The following DYNLL1 variants were observed in gnomAD, a reference collection of about 807,000 sequenced individuals.
DYNLL1 encodes the protein dynein light chain LC8-type 1, also known as dynein light chain 1, cytoplasmic.
Under a neutral mutation model 10.1 loss-of-function variants are expected in DYNLL1, and 3 were observed. The observed-to-expected ratio is 0.30, with a 90% CI of 0.14 to 0.77. DYNLL1 has a LOEUF of 0.77. Among genes scored for constraint, DYNLL1 ranks in the 30% least tolerant of loss-of-function variants. The pLI is 0.66. For missense variants in DYNLL1, 47 were observed against 111.7 expected (o/e 0.42, Z 2.61); for synonymous variants, 46 against 41.2 (o/e 1.12, Z -0.45).
chr12:120,477,233 G>A (rs1878775079), intron 1 of DYNLL1, among the ~76,000 whole-genome samples: 1 of 152,272 alleles, frequency 6.6e-6, no homozygotes. Context: ...CCAGCCAAGA[G>A]CAGGTTTTTT....
intron 1 of DYNLL1, among the ~76,000 whole-genome samples, chr12:120,474,442 TAAAAA>T (rs11355698): frequency 7.0e-6 from 1 of 142,776 alleles, no homozygotes; most frequent in South Asian, 2.2e-4. Flanking sequence ...AAAAACAACA[TAAAAA>T]AAAAAAAAAA....
At chr12:120,488,507 A>G (rs1565923194) in intron 1 of DYNLL1, 1 of 152,184 alleles carries the variant, frequency 6.6e-6, no homozygotes, top group Non-Finnish European at 1.5e-5. Context: ...CTGTCTCCAC[A>G]CATAAAATCT....
chr12:120,496,337 G>T, intron 1 of DYNLL1, 79 bp from the exon 2 acceptor site: 2 of 1,579,342 alleles, frequency 1.3e-6, no homozygotes, highest in Non-Finnish European at 1.7e-6. Context: ...TCCCGTGGTG[G>T]CGCCGGCCGG....
intron 1 of DYNLL1, among the ~76,000 whole-genome samples, chr12:120,484,885 C>T (rs1593001594): frequency 6.6e-6 from 1 of 152,128 alleles, no homozygotes; most frequent in South Asian, 2.1e-4. Context: ...CCTACAGGCA[C>T]GCAACACTAC....
chr12:120,478,415 T>TC (rs909367912), intron 1 of DYNLL1, among the ~76,000 whole-genome samples: 2 of 150,902 alleles, frequency 1.3e-5, no homozygotes, highest in African/African-American at 4.9e-5. Context: ...CCCCAATTTT[T>TC]TTTTTTTTTA....
At chr12:120,497,270 T>G (rs898411264) in intron 2 of DYNLL1, 1 of 153,090 alleles carries the variant, frequency 6.5e-6, no homozygotes, top group African/African-American at 2.4e-5. Context: ...CCACAAACAC[T>G]TGTAAGAATT....
intron 1 of DYNLL1, among the ~76,000 whole-genome samples, chr12:120,487,148 G>GT (rs1286365802): frequency 9.0e-5 from 13 of 144,774 alleles, no homozygotes; most frequent in African/African-American, 3.3e-4. Flanking sequence ...CTAATTTTTT[G>GT]TATTTTTAGT....
intron 2 of DYNLL1, chr12:120,497,142 C>CT: frequency 6.1e-6 from 1 of 162,932 alleles, no homozygotes. Context: ...AAATAAATGC[C>CT]TTTTTTGACA....
At chr12:120,473,153 G>A (rs1184391170) in intron 1 of DYNLL1, among the ~76,000 whole-genome samples, 7 of 152,142 alleles carry the variant, frequency 4.6e-5, no homozygotes, top group Admixed American at 3.9e-4. Context: ...CTACATCGGA[G>A]GGTCACCTAC....
intron 1 of DYNLL1, among the ~76,000 whole-genome samples, chr12:120,478,341 A>C (rs1282925086): frequency 6.6e-6 from 1 of 150,400 alleles, no homozygotes; most frequent in Non-Finnish European, 1.5e-5. Flanking sequence ...TCCCTACCGC[A>C]GGTGATCCGC....
chr12:120,495,635 G>A (rs1879246983), upstream of DYNLL1, among the ~76,000 whole-genome samples: 1 of 133,494 alleles, frequency 7.5e-6, no homozygotes, highest in Non-Finnish European at 1.5e-5. Context: ...AAAGGGAGAG[G>A]CCACCTCTGT....
At chr12:120,472,538 C>T (rs1038554914) in intron 1 of DYNLL1, among the ~76,000 whole-genome samples, 4 of 152,012 alleles carry the variant, frequency 2.6e-5, no homozygotes, top group Admixed American at 2.0e-4. Context: ...GTATTAATAC[C>T]ATTCTCTGAG....
chr12:120,478,088 G>A (rs571316843), intron 1 of DYNLL1, among the ~76,000 whole-genome samples: 1 of 148,456 alleles, frequency 6.7e-6, no homozygotes, highest in African/African-American at 2.5e-5. Context: ...CACTGCACCC[G>A]GCCAAAAGTT....
At chr12:120,495,167 A>G (rs1879233756), upstream of DYNLL1, 1 of 152,068 alleles carries the variant, frequency 6.6e-6, no homozygotes, top group Non-Finnish European at 1.5e-5. Flanking sequence ...TTTTTTAACC[A>G]CTTCGTGTCT....
chr12:120,480,357 T>G (rs1328377753), intron 1 of DYNLL1, among the ~76,000 whole-genome samples: 1 of 152,246 alleles, frequency 6.6e-6, no homozygotes, highest in Non-Finnish European at 1.5e-5. Context: ...CAGTGTGTAC[T>G]GTGCTAGATG....
intron 1 of DYNLL1, among the ~76,000 whole-genome samples, chr12:120,477,184 T>C (rs1402730099): frequency 6.6e-6 from 1 of 152,124 alleles, no homozygotes; most frequent in Non-Finnish European, 1.5e-5. Flanking sequence ...CTGTCTTGGC[T>C]TCCCAAAATC....
chr12:120,490,201 T>C (rs181194804), intron 1 of DYNLL1: 319 of 152,356 alleles, frequency 2.1e-3, no homozygotes, highest in African/African-American at 7.4e-3. Context: ...GCCTGACACC[T>C]AGCTCTCGCT....
chr12:120,471,151 G>A (rs1055973174), intron 1 of DYNLL1, among the ~76,000 whole-genome samples: 8 of 151,718 alleles, frequency 5.3e-5, no homozygotes, highest in Non-Finnish European at 1.2e-4. Flanking sequence ...ATCACTTGAG[G>A]CCAGGAGTTC....
chr12:120,470,266 T>TG (rs1407018758), intron 1 of DYNLL1, among the ~76,000 whole-genome samples: 3 of 152,224 alleles, frequency 2.0e-5, no homozygotes, highest in Admixed American at 6.5e-5. Flanking sequence ...GCATCCGACT[T>TG]GTGCTTTTCA....
Sources: allele counts gnomAD v4.1 joint callset (sites outside exome capture counted in the v4.1 genomes callset), GRCh38; gene constraint gnomAD v4.1.1; transcripts MANE v1.5; gene names NCBI Gene and HGNC (gene_info 2026-07-23, HGNC 2026-07-21).